Variants in MYO18B observed in about 807,000 individuals in gnomAD.
MYO18B encodes myosin XVIIIB, also known as unconventional myosin-XVIIIb.
A neutral mutation model predicts 273.0 loss-of-function variants in MYO18B; 204 were observed. That is an observed-to-expected ratio of 0.75 (90% confidence interval 0.67 to 0.84). MYO18B has a LOEUF of 0.84. MYO18B is among the 40% of genes least tolerant of loss of function. MYO18B has a pLI of 0.00. For synonymous variants in MYO18B, 1,330 were observed against 1,305.7 expected, an observed-to-expected ratio of 1.02 and a Z score of -0.40; for missense variants, 3,212 against 3,287.6, an observed-to-expected ratio of 0.98 and a Z score of 0.56.
intron 15 of MYO18B, among the ~76,000 whole-genome samples, chr22:25,829,202 G>A (rs1040364952): frequency 4.6e-5 from 7 of 152,168 alleles, no homozygotes; most frequent in East Asian, 1.9e-4. Context: ...CAAGGAACTC[G>A]GGCTTCCCCA....
At chr22:25,902,873 A>T in intron 30 of MYO18B, 137 bp downstream of exon 30, 1 of 950,468 alleles carries the variant, frequency 1.1e-6, no homozygotes, top group Non-Finnish European at 1.5e-6. Flanking sequence ...GCTGAATCCC[A>T]GTGTGTCTTA....
chr22:25,960,814 C>A (rs1400875861), intron 39 of MYO18B, among the ~76,000 whole-genome samples: 3 of 152,254 alleles, frequency 2.0e-5, no homozygotes, highest in African/African-American at 7.2e-5. Flanking sequence ...GGAGATCCTT[C>A]AAGAAGGAGC....
chr22:25,858,038 G>C lies in MYO18B; in HGVS notation c.3885+6459G>C, dbSNP rs992641343. Among the ~76,000 whole-genome samples, 21 of 152,174 alleles carry C rather than the reference G, an allele frequency of 1.4e-4. 1 individual carries two copies. Among genetic ancestry groups the C allele is most frequent in the Non-Finnish European group, 2.9e-5 (2 of 68,044 alleles). On this transcript the variant is annotated intron_variant, in intron 21 of 43. Transcript: ENST00000335473. The stretch of plus-strand genomic sequence containing the variant: ...GTAATTGGTGTGTGCATGTGCATTT[G>C]GTTTTTGGATAGTTTCTGCCTTTTT...
the MYO18B span, among the ~76,000 whole-genome samples, chr22:26,037,745 T>G: frequency 6.6e-6 from 1 of 152,308 alleles, no homozygotes. Flanking sequence ...GGAACCCAAT[T>G]TTTGGCATCA....
chr22:25,910,506 A>G (rs1046117846), intron 32 of MYO18B, among the ~76,000 whole-genome samples: 2 of 151,886 alleles, frequency 1.3e-5, no homozygotes, highest in African/African-American at 4.9e-5. Context: ...TATAGTTTAT[A>G]ACACCAAAAA....
intron 35 of MYO18B, among the ~76,000 whole-genome samples, chr22:25,947,406 CAT>C (rs60012432): frequency 0.014 from 2,196 of 151,664 alleles, 46 homozygotes; most frequent in African/African-American, 0.05. Context: ...AATGTGCACA[CAT>C]AGATTCCCAA....
At chr22:25,950,006 G>T (rs1006743917) in intron 36 of MYO18B, among the ~76,000 whole-genome samples, 2 of 152,164 alleles carry the variant, frequency 1.3e-5, no homozygotes, top group Non-Finnish European at 2.9e-5. Flanking sequence ...GCTTGCTAAG[G>T]CCAGGGTCCA....
rs778435990 is a variant in MYO18B at position 25,768,330 on chromosome 22, C to G, written c.414C>G (p.Thr138=). ...AGCTGGGCTCCAGTGCGACACCAAC[C>G]AAAAAGACTGTCCCCTTCAAGAGGG... ...AQELGSSATP[T]KKTVPFKRGV... is the part of the protein sequence containing the mutation. Residue 138 remains threonine, a synonymous_variant, in exon 4 of 44, where the codon ACC becomes ACG. Transcript: ENST00000335473. 1.9e-6 allele frequency: 3 copies of G among 1,613,542 alleles called. No homozygotes were observed. Among genetic ancestry groups the G allele is most frequent in the Non-Finnish European group, 2.5e-6 (3 of 1,179,778 alleles).
chr22:26,035,423 C>T (rs542439471), downstream of MYO18B, among the ~76,000 whole-genome samples: 16 of 152,286 alleles, frequency 1.1e-4, no homozygotes, highest in South Asian at 3.1e-3. Context: ...GCCTGTTCTT[C>T]CTAGGCAATC....
chr22:25,974,262 C>A (rs925107525), intron 39 of MYO18B, among the ~76,000 whole-genome samples: 1 of 152,158 alleles, frequency 6.6e-6, no homozygotes, highest in African/African-American at 2.4e-5. Context: ...GACCTTAGAG[C>A]CTTCAAGCCA....
chr22:25,987,986 G>C (rs1308700596), intron 39 of MYO18B, among the ~76,000 whole-genome samples: 1 of 152,096 alleles, frequency 6.6e-6, no homozygotes, highest in Non-Finnish European at 1.5e-5. Context: ...TCTCTAAAGA[G>C]AGCTAATAAC....
chr22:25,770,902 C>T lies in MYO18B; in HGVS notation c.1610C>T (p.Ala537Val), dbSNP rs1389532346. The change falls in exon 6 of 44, where the codon GCA (alanine) becomes GTA (valine). Residue 537 changes from alanine to valine, a missense_variant. Transcript: ENST00000335473. ...GTGCTAAAGCCAGATGAGGGAACAG[C>T]AGACCTGCCAGCAGGAAGGGTGAGA... Reference protein sequence around the residue: ...ATVLKPDEGTADLPAGRVRLW... With the variant: ...ATVLKPDEGTVDLPAGRVRLW... 6.4e-7 allele frequency: 1 copy of T among 1,552,000 alleles called. No individual in the cohort carries two copies.
In MYO18B at chr22:26,003,466, C is replaced by A. The variant is rs7287184; in HGVS notation, c.6332+157C>A. Reference sequence around the variant, plus strand: ...TGGTCATAACCTATAGCACTAGGAACATCGTATTGAACTGCCCTAGTTCTT... The same window carrying A: ...TGGTCATAACCTATAGCACTAGGAAAATCGTATTGAACTGCCCTAGTTCTT... On this transcript the variant is annotated intron_variant, in intron 41 of 43. Transcript: ENST00000335473. Among the ~76,000 whole-genome samples, 14,037 of 152,226 alleles carry A rather than the reference C, an allele frequency of 0.092. 761 individuals are homozygous for A. Among genetic ancestry groups the A allele is most frequent in the South Asian group, 0.15 (746 of 4,814 alleles).
intron 11 of MYO18B, among the ~76,000 whole-genome samples, chr22:25,797,416 G>A (rs1459172271): frequency 6.6e-6 from 1 of 152,020 alleles, no homozygotes; most frequent in Non-Finnish European, 1.5e-5. Context: ...GGCTGTCTTG[G>A]GTGGGATTAA....
intron 39 of MYO18B, chr22:25,983,196 C>T (rs907753585): frequency 6.6e-6 from 1 of 151,988 alleles, no homozygotes; most frequent in Non-Finnish European, 1.5e-5. Context: ...TAGTGAGACC[C>T]CATCTCTAAA....
intron 15 of MYO18B, 92 bp from the exon 16 acceptor site, chr22:25,832,825 T>C: frequency 9.0e-7 from 1 of 1,113,168 alleles, no homozygotes; most frequent in African/African-American, 1.5e-5. Context: ...CAAGAGGTGA[T>C]GGAAATCCTC....
intron 35 of MYO18B, among the ~76,000 whole-genome samples, chr22:25,946,674 T>G (rs908543741): frequency 6.6e-6 from 1 of 152,192 alleles, no homozygotes. Flanking sequence ...CAACTGTATG[T>G]TGTGTGCCCA....
intron 17 of MYO18B, among the ~76,000 whole-genome samples, chr22:25,839,360 C>A (rs2090015844): frequency 6.6e-6 from 1 of 152,170 alleles, no homozygotes; most frequent in Admixed American, 6.5e-5. Context: ...GCGGCCCTGG[C>A]CGTGCTCACC....
chr22:25,993,118 G>A (rs1333106508), intron 40 of MYO18B, among the ~76,000 whole-genome samples: 1 of 152,118 alleles, frequency 6.6e-6, no homozygotes, highest in Non-Finnish European at 1.5e-5. Flanking sequence ...CAGAAGATAG[G>A]CTACTTTTCA....
Sources: allele counts gnomAD v4.1 joint callset (sites outside exome capture counted in the v4.1 genomes callset), GRCh38; gene constraint gnomAD v4.1.1; transcripts MANE v1.5; gene names NCBI Gene and HGNC (gene_info 2026-07-23, HGNC 2026-07-21).